SLC24A3: variants seen among roughly 807,000 people sequenced by gnomAD.
SLC24A3 encodes the protein sodium/potassium/calcium exchanger 3.
Under a neutral mutation model 75.8 loss-of-function variants are expected in SLC24A3, and 28 were observed. The observed-to-expected ratio is 0.37, with a 90% confidence interval of 0.27 to 0.51. The LOEUF (loss-of-function observed/expected upper bound fraction) is 0.51, where lower values mean the gene tolerates loss of function less well. Among genes scored for constraint, SLC24A3 ranks in the 20% least tolerant of loss-of-function variants. The pLI is 0.94. For missense variants in SLC24A3, 663 were observed against 847.8 expected (o/e 0.78, Z 2.71); for synonymous variants, 372 against 334.1 (o/e 1.11, Z -1.24).
At position 19,721,398 on chromosome 20, in the gene SLC24A3, C is replaced by A; in HGVS notation, c.*258C>A. The A allele has an allele frequency of 2.3e-6, 1 of 428,516 alleles. No homozygotes were observed. The highest frequency in any genetic ancestry group is 4.1e-6 in the Non-Finnish European group (1 of 242,318). 26.5% of individuals were successfully genotyped at this position (428,516 alleles called of 1,614,324 possible). ...AACATCCACGTGACTTTTCCAGCTCCATTTTTGAACAGTGACTGAGATTCT... is the reference window on the plus strand; with the variant it reads ...AACATCCACGTGACTTTTCCAGCTCAATTTTTGAACAGTGACTGAGATTCT... On this transcript the variant is annotated 3_prime_UTR_variant, in exon 17 of 17. Transcript: ENST00000328041.
intron 7 of SLC24A3, among the ~76,000 whole-genome samples, chr20:19,656,146 T>C (rs1415612605): frequency 6.6e-6 from 1 of 152,234 alleles, no homozygotes; most frequent in African/African-American, 2.4e-5. Flanking sequence ...CGTGAGATTT[T>C]CCCTGCGGAA....
chr20:19,257,400 A>G (rs537958722), intron 1 of SLC24A3, among the ~76,000 whole-genome samples: 168 of 152,354 alleles, frequency 1.1e-3, no homozygotes, highest in African/African-American at 4.0e-3. Flanking sequence ...AATGGGCAGT[A>G]AATTCCCAGC....
rs184524039 is a variant in SLC24A3 at position 19,580,103 on chromosome 20, G to A, written c.423+29G>A. 7.2e-4 allele frequency: 1,144 copies of A among 1,593,216 alleles called. 10 individuals are homozygous for A. Among genetic ancestry groups the A allele is most frequent in the Non-Finnish European group, 7.9e-5 (92 of 1,161,270 alleles). On this transcript the variant is annotated intron_variant, in intron 4 of 16. Coordinates refer to ENST00000328041, the MANE Select transcript of SLC24A3 (RefSeq NM_020689.4). Reference sequence around the variant, plus strand: ...CGTGCCTCACATTCTTGGTATGTGTGAGCCAGACTGGGGACTGGACCTGTG... The same window carrying A: ...CGTGCCTCACATTCTTGGTATGTGTAAGCCAGACTGGGGACTGGACCTGTG...
intron 3 of SLC24A3, among the ~76,000 whole-genome samples, chr20:19,542,045 A>G (rs931775306): frequency 6.6e-6 from 1 of 152,202 alleles, no homozygotes; most frequent in Admixed American, 6.5e-5. Flanking sequence ...GTATTATCAA[A>G]TCAAATGAAG....
At chr20:19,654,260 C>T in intron 7 of SLC24A3, 124 bp downstream of exon 7, 1 of 798,130 alleles carries the variant, frequency 1.3e-6, no homozygotes. Flanking sequence ...CATGTCTTTG[C>T]TTGGAGGCAG....
chr20:19,635,517 A>C (rs947419849), intron 6 of SLC24A3, among the ~76,000 whole-genome samples: 1 of 152,244 alleles, frequency 6.6e-6, no homozygotes, highest in Non-Finnish European at 1.5e-5. Flanking sequence ...TATGTAAAAC[A>C]ACCACCACAT....
At chr20:19,412,026 C>T (rs1012961815) in intron 2 of SLC24A3, among the ~76,000 whole-genome samples, 15 of 152,278 alleles carry the variant, frequency 9.9e-5, no homozygotes, top group Admixed American at 3.3e-4. Context: ...GTCAGGGTCA[C>T]GGCCTCTTCT....
intron 2 of SLC24A3, among the ~76,000 whole-genome samples, chr20:19,478,640 A>T (rs975640305): frequency 6.6e-6 from 1 of 152,082 alleles, no homozygotes; most frequent in Admixed American, 6.5e-5. Flanking sequence ...AAGGGTGAGC[A>T]TTTCCACCAA....
intron 9 of SLC24A3, among the ~76,000 whole-genome samples, chr20:19,675,973 T>G (rs887869640): frequency 4.6e-5 from 7 of 152,202 alleles, no homozygotes; most frequent in Non-Finnish European, 7.3e-5. Flanking sequence ...AGGCTCTAAT[T>G]GAGCTCCCAA....
intron 2 of SLC24A3, among the ~76,000 whole-genome samples, chr20:19,390,680 C>G (rs142545675): frequency 1.2e-4 from 18 of 152,228 alleles, no homozygotes; most frequent in African/African-American, 4.3e-4. Context: ...GGACCTGGAG[C>G]CTACATTTGC....
intron 8 of SLC24A3, among the ~76,000 whole-genome samples, chr20:19,667,708 G>A (rs553117712): frequency 3.9e-5 from 6 of 152,208 alleles, no homozygotes; most frequent in Non-Finnish European, 8.8e-5. Context: ...GAAAGCCATG[G>A]CAAGTGAAGA....
chr20:19,238,907 C>G (rs759076813), intron 1 of SLC24A3, among the ~76,000 whole-genome samples: 2 of 151,970 alleles, frequency 1.3e-5, no homozygotes, highest in Non-Finnish European at 2.9e-5. Flanking sequence ...CTCCCCTCCA[C>G]TTCACCCAAA....
chr20:19,464,368 C>T (rs948971749), intron 2 of SLC24A3, among the ~76,000 whole-genome samples: 9 of 149,894 alleles, frequency 6.0e-5, no homozygotes, highest in Non-Finnish European at 1.0e-4. Context: ...TCATACCACA[C>T]ACATACGTGC....
chr20:19,417,261 G>C (rs1986842732), intron 2 of SLC24A3, among the ~76,000 whole-genome samples: 1 of 152,200 alleles, frequency 6.6e-6, no homozygotes, highest in Admixed American at 6.5e-5. Context: ...ATTTGCAGTA[G>C]TGTAGAAAAT....
chr20:19,315,337 A>G (rs1011736959), intron 2 of SLC24A3, among the ~76,000 whole-genome samples: 1 of 152,156 alleles, frequency 6.6e-6, no homozygotes, highest in Non-Finnish European at 1.5e-5. Flanking sequence ...TGCTGTTAGG[A>G]CGAGATCACT....
chr20:19,664,626 G>T (rs1052278703), intron 7 of SLC24A3, among the ~76,000 whole-genome samples: 8 of 152,152 alleles, frequency 5.3e-5, no homozygotes, highest in Non-Finnish European at 1.2e-4. Context: ...TGCCATGCCC[G>T]CTTTGTTAAC....
chr20:19,685,477 G>A, intron 12 of SLC24A3, 116 bp downstream of exon 12: 6 of 1,486,270 alleles, frequency 4.0e-6, no homozygotes, highest in African/African-American at 1.4e-5. Context: ...GTATGAACAT[G>A]AGACTATGTA....
chr20:19,318,514 G>T (rs565556538), intron 2 of SLC24A3, among the ~76,000 whole-genome samples: 1 of 152,200 alleles, frequency 6.6e-6, no homozygotes, highest in Non-Finnish European at 1.5e-5. Flanking sequence ...CAGAAAAGCC[G>T]AGTTAGCTCT....
At chr20:19,381,761 G>A (rs1986186716) in intron 2 of SLC24A3, among the ~76,000 whole-genome samples, 1 of 152,214 alleles carries the variant, frequency 6.6e-6, no homozygotes. Context: ...TGTACTAGGT[G>A]AAGGTTCCCA....
Sources: allele counts gnomAD v4.1 joint callset (sites outside exome capture counted in the v4.1 genomes callset), GRCh38; gene constraint gnomAD v4.1.1; transcripts MANE v1.5; gene names NCBI Gene and HGNC (gene_info 2026-07-23, HGNC 2026-07-21).